Variants in PDZD2 observed in about 807,000 individuals in gnomAD.
The protein encoded by PDZD2 is PDZ domain-containing protein 2.
In PDZD2, 90 loss-of-function variants were observed where a neutral mutation model predicts 220.7. The ratio of observed to expected loss-of-function variants is 0.41; its 90% CI spans 0.34 to 0.49. The LOEUF (loss-of-function observed/expected upper bound fraction) is 0.49, where lower values mean the gene tolerates loss of function less well. PDZD2 is among the 20% of genes least tolerant of loss of function. The pLI, the probability that PDZD2 is intolerant of heterozygous loss-of-function variation, is 0.28. For missense variants in PDZD2, 3,174 were observed against 3,608.5 expected (o/e 0.88, Z 3.08); for synonymous variants, 1,375 against 1,450.5 (o/e 0.95, Z 1.18).
At chr5:31,876,504 G>A (rs1390489055) in intron 2 of PDZD2, among the ~76,000 whole-genome samples, 1 of 152,002 alleles carries the variant, frequency 6.6e-6, no homozygotes, top group African/African-American at 2.4e-5. Context: ...TGTTGGTCAG[G>A]CTGGTCTCAA....
chr5:31,963,421 G>A (rs1253037808), intron 2 of PDZD2, among the ~76,000 whole-genome samples: 1 of 152,174 alleles, frequency 6.6e-6, no homozygotes, highest in Non-Finnish European at 1.5e-5. Context: ...TTTTCTGACC[G>A]GTAGGCCAGA....
chr5:31,968,256 G>C (rs937788173), intron 2 of PDZD2, among the ~76,000 whole-genome samples: 3 of 152,190 alleles, frequency 2.0e-5, no homozygotes, highest in African/African-American at 7.2e-5. Flanking sequence ...TACTCGGGTG[G>C]TTGAGGTAGG....
chr5:31,697,004 G>A lies in PDZD2; in HGVS notation c.-361+57567G>A, dbSNP rs551716997. Reference sequence around the variant, plus strand: ...ACTGCCAGAGACTTCAGAACAGGACGGGATGTTACAATTTAATTGTGCTCA... The same window carrying A: ...ACTGCCAGAGACTTCAGAACAGGACAGGATGTTACAATTTAATTGTGCTCA... On this transcript the variant is annotated intron_variant, in intron 1 of 24. Coordinates refer to ENST00000438447, the MANE Select transcript of PDZD2 (RefSeq NM_178140.4). 5.9e-5 allele frequency among the ~76,000 whole-genome samples: 9 copies of A among 152,336 alleles called. No individual in the cohort carries two copies. In the South Asian group the frequency reaches 1.5e-3, roughly 25 times the overall value.
chr5:32,000,362 A>C lies in PDZD2; in HGVS notation c.1254+91A>C. The C allele has an allele frequency of 7.4e-7, 1 of 1,347,202 alleles. No homozygotes were observed. The highest frequency in any genetic ancestry group is 1.1e-6 in the Non-Finnish European group (1 of 944,982). 83.5% of individuals were successfully genotyped at this position (1,347,202 alleles called of 1,614,324 possible). A position where few individuals can be genotyped will look rare whatever the true frequency, so the allele number is the denominator to read the frequency against. On this transcript the variant is annotated intron_variant, in intron 5 of 24. Coordinates refer to ENST00000438447, the MANE Select transcript of PDZD2 (RefSeq NM_178140.4). This position sits in a 1 kb window ranked among gnomAD's most constrained non-coding sequence, Gnocchi z 4.5. ...TCCCATGCCACACACACACACAAAG[A>C]CATGTGTGCACTTGTACGTTTGCCT...
At chr5:31,798,724 T>C (rs1470857016) in intron 1 of PDZD2, among the ~76,000 whole-genome samples, 165 bp from the exon 2 acceptor site, 3 of 152,178 alleles carry the variant, frequency 2.0e-5, no homozygotes, top group Non-Finnish European at 2.9e-5. Flanking sequence ...CCATACAGCA[T>C]GGAGGTAGCC....
Position 32,058,745 on chromosome 5 carries a change from G to T in PDZD2, c.2201-494G>T, listed in dbSNP as rs1316954118. On this transcript the variant is annotated intron_variant, in intron 12 of 24. Transcript: ENST00000438447. ...TAATATAAAATTTTAAAGAACAAAA[G>T]ATTATAGTTAAGTGTACAGTTAACA... Among the ~76,000 whole-genome samples, 4 of 150,646 alleles carry T rather than the reference G, an allele frequency of 2.7e-5. No individual in the cohort carries two copies. The South Asian group carries it at 8.4e-4, about 32-fold the overall frequency.
chr5:31,693,467 C>G (rs546656337), intron 1 of PDZD2, among the ~76,000 whole-genome samples: 4 of 152,142 alleles, frequency 2.6e-5, no homozygotes, highest in East Asian at 1.9e-4. Flanking sequence ...GTCCGGAACT[C>G]CTGACCTCGT....
At chr5:31,736,561 A>G (rs747819425) in intron 1 of PDZD2, among the ~76,000 whole-genome samples, 53 of 152,246 alleles carry the variant, frequency 3.5e-4, no homozygotes, top group Non-Finnish European at 6.6e-4. Flanking sequence ...ATGGAACTAC[A>G]TATTCTTATA....
In PDZD2 at chr5:31,799,438, C is replaced by G; in HGVS notation, c.190C>G (p.Pro64Ala). 6.2e-7 allele frequency: 1 copy of G among 1,614,168 alleles called. No individual in the cohort carries two copies. The part of the protein sequence containing the change: ...ESTVPPDHSP[P>A]EMEICTVYLT... ...TACGGTCCCACCTGATCACAGCCCCCCCGAAATGGAGATCTGTACTGTGTA... is the reference window on the plus strand; with the variant it reads ...TACGGTCCCACCTGATCACAGCCCCGCCGAAATGGAGATCTGTACTGTGTA... Residue 64 changes from proline (P) to alanine (A), a missense_variant, in exon 2 of 25, where the codon CCC becomes GCC. Physicochemically the swap from Pro to Ala is conservative, Grantham distance 27. This residue lies in a region of PDZD2 where 632 missense variants were observed against 708.1 expected (regional missense o/e 0.89). Coordinates refer to ENST00000438447, the MANE Select transcript of PDZD2 (RefSeq NM_178140.4).
At chr5:31,857,616 G>A (rs565981805) in intron 2 of PDZD2, among the ~76,000 whole-genome samples, 64 of 152,208 alleles carry the variant, frequency 4.2e-4, no homozygotes, top group African/African-American at 1.4e-3. Context: ...CTTATGCTTT[G>A]AATGGATATC....
At position 32,077,578 on chromosome 5, in the gene PDZD2, A is replaced by G; in HGVS notation, c.3654A>G (p.Ala1218=). The stretch of plus-strand genomic sequence containing the variant: ...TCACAGAGAACCTGCCCAAAGCTGC[A>G]TCAGAGCTGGGGCAACAACCCATGA... The part of the protein sequence containing the change: ...SHLTENLPKA[A]SELGQQPMTE... The change falls in exon 19 of 25, where the codon GCA becomes GCG. Residue 1218 remains alanine (A), a synonymous_variant. Coordinates refer to ENST00000438447, the MANE Select transcript of PDZD2 (RefSeq NM_178140.4). 6.2e-7 allele frequency: 1 copy of G among 1,614,232 alleles called. No individual in the cohort carries two copies. The highest frequency in any genetic ancestry group is 8.5e-7 in the Non-Finnish European group (1 of 1,180,042).
chr5:31,729,813 GTTGTT>G (rs370346356), intron 1 of PDZD2, among the ~76,000 whole-genome samples: 2,201 of 151,788 alleles, frequency 0.015, 53 homozygotes, highest in African/African-American at 0.047. Flanking sequence ...AGTTACTTCT[GTTGTT>G]TTGTTTTGTT....
intron 2 of PDZD2, chr5:31,822,925 T>A (rs6869849): frequency 1.1e-6 from 1 of 945,946 alleles, no homozygotes; most frequent in Non-Finnish European, 1.6e-6. Flanking sequence ...ACAAATAGTC[T>A]GAACGGTGGC....
chr5:31,949,922 T>A (rs1327985883), intron 2 of PDZD2, among the ~76,000 whole-genome samples: 4 of 151,760 alleles, frequency 2.6e-5, no homozygotes, highest in Non-Finnish European at 5.9e-5. Flanking sequence ...GACCTTGTGA[T>A]CCTCCCACCT....
At chr5:32,075,714 TTCTC>T (rs147366814) in intron 18 of PDZD2, among the ~76,000 whole-genome samples, 2 of 151,484 alleles carry the variant, frequency 1.3e-5, no homozygotes, top group South Asian at 2.1e-4. Flanking sequence ...CATAAATAAC[TTCTC>T]TCTCTCTCTC....
At chr5:31,793,362 G>A (rs1753828250) in intron 1 of PDZD2, among the ~76,000 whole-genome samples, 1 of 152,074 alleles carries the variant, frequency 6.6e-6, no homozygotes, top group Non-Finnish European at 1.5e-5. Context: ...TCATCCTCGG[G>A]CAGCCAGGCA....
chr5:31,927,095 C>T (rs1744853601), intron 2 of PDZD2, among the ~76,000 whole-genome samples: 1 of 152,134 alleles, frequency 6.6e-6, no homozygotes, highest in Non-Finnish European at 1.5e-5. Context: ...GGTTGAAAAA[C>T]GTAACTATTG....
At chr5:31,898,110 A>G (rs1294640587) in intron 2 of PDZD2, among the ~76,000 whole-genome samples, 1 of 152,190 alleles carries the variant, frequency 6.6e-6, no homozygotes, top group Non-Finnish European at 1.5e-5. Flanking sequence ...CCTGGAGCCA[A>G]CTATATTACA....
At chr5:31,921,248 A>G (rs1744223523) in intron 2 of PDZD2, among the ~76,000 whole-genome samples, 1 of 149,960 alleles carries the variant, frequency 6.7e-6, no homozygotes, top group Admixed American at 6.7e-5. Context: ...TTGAATCCCA[A>G]CTCTCCTCCA....
Sources: gnomAD v4.1 joint callset for allele counts (sites outside exome capture counted in the v4.1 genomes callset) on GRCh38, gnomAD v4.1.1 for gene constraint, gnomAD v4.1.1 regional missense constraint, Gnocchi (gnomAD v3.1) non-coding constraint, MANE v1.5 for transcripts, NCBI Gene and HGNC (gene_info 2026-07-23, HGNC 2026-07-21) for gene names.